Variants in IQCJ observed in about 807,000 individuals in gnomAD.
The protein encoded by IQCJ is IQ domain-containing protein J.
Under a neutral mutation model 11.0 loss-of-function variants are expected in IQCJ, and 9 were observed. That is an observed-to-expected ratio of 0.82 (90% CI 0.49 to 1.43). The LOEUF is 1.43. Ranked by LOEUF, IQCJ falls within the 40% of genes most tolerant of loss-of-function variation. The pLI, the probability that IQCJ is intolerant of heterozygous loss-of-function variation, is 0.00. For missense variants in IQCJ, 146 were observed against 133.2 expected, an observed-to-expected ratio of 1.10 and a Z score of -0.47; for synonymous variants, 55 against 51.3, an observed-to-expected ratio of 1.07 and a Z score of -0.31.
rs184710176 is a variant in IQCJ, at chr3:159,206,635, A to G, written c.10-39208A>G. On this transcript the variant is annotated intron_variant, in intron 1 of 3. Coordinates refer to ENST00000397832, the MANE Select transcript of IQCJ (RefSeq NM_001042706.3). The stretch of plus-strand genomic sequence containing the variant: ...GTGATTCTGATAAAACAGGTCACAT[A>G]TTAGATTCTACTACCACATTCCCTA... 1.9e-3 allele frequency among the ~76,000 whole-genome samples: 291 copies of G among 152,314 alleles called. 2 individuals carry two copies. The highest frequency in any genetic ancestry group is 6.8e-3 in the African/African-American group (282 of 41,580).
intron 1 of IQCJ, among the ~76,000 whole-genome samples, chr3:159,121,138 CTT>C (rs1206910456): frequency 4.0e-5 from 5 of 123,556 alleles, no homozygotes; most frequent in Non-Finnish European, 3.4e-5. Context: ...TTTCTTTTTT[CTT>C]TTTTTTTTTT....
intron 2 of IQCJ, among the ~76,000 whole-genome samples, chr3:159,246,467 G>A (rs1030995975): frequency 2.0e-5 from 3 of 152,148 alleles, no homozygotes; most frequent in African/African-American, 7.2e-5. Flanking sequence ...GGAAAAACAG[G>A]CTCAGCGAGG....
intron 1 of IQCJ, among the ~76,000 whole-genome samples, chr3:159,111,961 C>T (rs560581374): frequency 1.1e-4 from 17 of 151,548 alleles, no homozygotes; most frequent in Admixed American, 9.2e-4. Flanking sequence ...TTTTTTTCCC[C>T]GCAATTGTCT....
chr3:159,206,788 C>G (rs1344625120), intron 1 of IQCJ, among the ~76,000 whole-genome samples: 1 of 152,160 alleles, frequency 6.6e-6, no homozygotes, highest in Non-Finnish European at 1.5e-5. Context: ...GCTTCTGTTG[C>G]TAGCAACCAA....
chr3:159,211,097 T>G (rs1204875137), intron 1 of IQCJ, among the ~76,000 whole-genome samples: 1 of 152,190 alleles, frequency 6.6e-6, no homozygotes, highest in African/African-American at 2.4e-5. Context: ...ATGAAATGAA[T>G]TATTTTAAAT....
rs750993948 is a variant in IQCJ at position 159,252,829 on chromosome 3, A to G, written c.155+22A>G. On this transcript the variant is annotated intron_variant, in intron 3 of 3. Coordinates refer to ENST00000397832, the MANE Select transcript of IQCJ (RefSeq NM_001042706.3). ...AAATGTAAGTTATTTCAAAGTATAAATTAAGCAATTAGTTCTAGTTTTATG... is the reference window on the plus strand; with the variant it reads ...AAATGTAAGTTATTTCAAAGTATAAGTTAAGCAATTAGTTCTAGTTTTATG... The G allele has an allele frequency of 3.8e-6, 6 of 1,599,170 alleles. No individual in the cohort carries two copies. The Admixed American group carries it at 1.0e-4, about 28-fold the overall frequency.
At chr3:159,258,706 A>G (rs1728038376) in intron 3 of IQCJ, among the ~76,000 whole-genome samples, 1 of 152,186 alleles carries the variant, frequency 6.6e-6, no homozygotes, top group African/African-American at 2.4e-5. Flanking sequence ...ATTGTTTGGT[A>G]ACATATAAAA....
intron 1 of IQCJ, among the ~76,000 whole-genome samples, chr3:159,227,442 T>C (rs974264167): frequency 1.3e-5 from 2 of 152,184 alleles, no homozygotes; most frequent in Admixed American, 1.3e-4. Context: ...TCAAGATTCT[T>C]TCCTTTAAGG....
intron 1 of IQCJ, among the ~76,000 whole-genome samples, chr3:159,126,277 A>C (rs1719674060): frequency 6.6e-6 from 1 of 152,174 alleles, no homozygotes; most frequent in Non-Finnish European, 1.5e-5. Flanking sequence ...TGCTCATCTA[A>C]AAAGCAGGGA....
At chr3:159,170,772 C>T (rs1291068954) in intron 1 of IQCJ, among the ~76,000 whole-genome samples, 1 of 152,106 alleles carries the variant, frequency 6.6e-6, no homozygotes, top group Non-Finnish European at 1.5e-5. Context: ...GCTCCTCAGA[C>T]ATCCCATGCA....
At chr3:159,160,310 T>G (rs567394228) in intron 1 of IQCJ, among the ~76,000 whole-genome samples, 1 of 152,076 alleles carries the variant, frequency 6.6e-6, no homozygotes, top group South Asian at 2.1e-4. Context: ...ATTATTATTT[T>G]TTTCTTTTTT....
chr3:159,162,965 T>A (rs542333780), intron 1 of IQCJ, among the ~76,000 whole-genome samples: 11 of 152,282 alleles, frequency 7.2e-5, no homozygotes, highest in African/African-American at 2.4e-4. Flanking sequence ...CAGGACCAGA[T>A]GGATTCACAG....
intron 1 of IQCJ, among the ~76,000 whole-genome samples, chr3:159,127,241 T>C (rs962701016): frequency 1.3e-5 from 2 of 152,194 alleles, no homozygotes; most frequent in African/African-American, 4.8e-5. Context: ...TCCTTTCTCA[T>C]TTGTCATTGA....
At chr3:159,090,371 G>C (rs1457909432) in intron 1 of IQCJ, among the ~76,000 whole-genome samples, 1 of 151,806 alleles carries the variant, frequency 6.6e-6, no homozygotes, top group Non-Finnish European at 1.5e-5. Context: ...CTTCTGCGTC[G>C]CTCACGCTGG....
At chr3:159,234,090 T>C (rs73031421) in intron 1 of IQCJ, among the ~76,000 whole-genome samples, 2,453 of 152,296 alleles carry the variant, frequency 0.016, 67 homozygotes, top group African/African-American at 0.056. Context: ...TGATACAGTT[T>C]AGATTCTGGG....
intron 1 of IQCJ, among the ~76,000 whole-genome samples, chr3:159,175,151 A>G (rs1722725844): frequency 6.6e-6 from 1 of 152,236 alleles, no homozygotes; most frequent in Non-Finnish European, 1.5e-5. Context: ...ACAAATGTAT[A>G]CAGTCATGTA....
At chr3:159,188,408 C>T (rs1301315853) in intron 1 of IQCJ, among the ~76,000 whole-genome samples, 1 of 151,862 alleles carries the variant, frequency 6.6e-6, no homozygotes, top group African/African-American at 2.4e-5. Flanking sequence ...GAAACTCTAT[C>T]TCAAAACAAA....
chr3:159,201,972 A>G (rs939208217), intron 1 of IQCJ, among the ~76,000 whole-genome samples: 2 of 152,182 alleles, frequency 1.3e-5, no homozygotes, highest in African/African-American at 2.4e-5. Flanking sequence ...AGCACAAAAT[A>G]TACTACACTG....
At chr3:159,135,376 C>T (rs1379708245) in intron 1 of IQCJ, among the ~76,000 whole-genome samples, 2 of 152,150 alleles carry the variant, frequency 1.3e-5, no homozygotes, top group Non-Finnish European at 2.9e-5. Flanking sequence ...AGTTTGAAGC[C>T]TCAAGTAAGA....
Sources: gnomAD v4.1 joint callset for allele counts (sites outside exome capture counted in the v4.1 genomes callset) on GRCh38, gnomAD v4.1.1 for gene constraint, MANE v1.5 for transcripts, NCBI Gene and HGNC (gene_info 2026-07-23, HGNC 2026-07-21) for gene names.